The following DNAH5 variants were observed in gnomAD, a reference collection of about 807,000 sequenced individuals.
The protein encoded by DNAH5 is axonemal beta dynein heavy chain 5.
Under a neutral mutation model 518.2 loss-of-function variants are expected in DNAH5, and 372 were observed. That is an observed-to-expected ratio of 0.72 (90% CI 0.66 to 0.78). The LOEUF is 0.78. DNAH5 is among the 30% of genes least tolerant of loss of function. The pLI, the probability that DNAH5 is intolerant of heterozygous loss-of-function variation, is 0.00. For missense variants in DNAH5, 5,523 were observed against 5,687.0 expected (o/e 0.97, Z 0.93); for synonymous variants, 2,039 against 2,025.9 (o/e 1.01, Z -0.17).
intron 29 of DNAH5, among the ~76,000 whole-genome samples, chr5:13,861,061 T>C (rs556144313): frequency 4.6e-5 from 7 of 152,292 alleles, no homozygotes; most frequent in African/African-American, 1.2e-4. Flanking sequence ...ACACACATAG[T>C]AAAGGTTCAA....
At position 13,817,636 on chromosome 5, in the gene DNAH5, C is replaced by G. The variant is rs745471071; in HGVS notation, c.6900G>C (p.Gln2300His). The G allele has an allele frequency of 1.2e-6, 2 of 1,614,222 alleles. No homozygotes were observed. Among genetic ancestry groups the G allele is most frequent in the Admixed American group, 1.7e-5 (1 of 60,024 alleles). Reference sequence around the variant, plus strand: ...TGGCAACGTCCAGCCGACCAAACATCTGTGGGGCAGTAATCGCTTTGGGAT... The same window carrying G: ...TGGCAACGTCCAGCCGACCAAACATGTGTGGGGCAGTAATCGCTTTGGGAT... ...RMNPKAITAPQMFGRLDVATN... is the reference protein window; with the variant it reads ...RMNPKAITAPHMFGRLDVATN... Residue 2300 changes from glutamine (Q) to histidine (H), a missense_variant, in exon 42 of 79, where the codon CAG becomes CAC. Physicochemically the swap from Gln to His is conservative, Grantham distance 24 (BLOSUM62 0). Around this residue, in one of 3 missense-constraint regions of DNAH5, gnomAD observed 5,121 missense variants for 5,223.3 expected, o/e 0.98. Transcript: ENST00000265104.
rs1173706090 is a variant in DNAH5, at chr5:13,762,757, A to C, written c.10246T>G (p.Phe3416Val). The C allele has an allele frequency of 1.2e-6, 2 of 1,614,056 alleles. No homozygotes were observed. Among genetic ancestry groups the C allele is most frequent in the Admixed American group, 1.7e-5 (1 of 60,004 alleles). The change falls in exon 60 of 79, where the codon TTC becomes GTC. Residue 3416 changes from phenylalanine (F) to valine (V), a missense_variant. Phe to Val is a conservative substitution (Grantham distance 50, BLOSUM62 -1). This residue lies in a region of DNAH5 where 5,121 missense variants were observed against 5,223.3 expected (regional missense o/e 0.98). Transcript: ENST00000265104. Reference sequence around the variant, plus strand: ...AGTACTTCTTTGTTTATAGAAAAGAAGGAAGCCATAGCTTTCGTCCAGGAA... The same window carrying C: ...AGTACTTCTTTGTTTATAGAAAAGACGGAAGCCATAGCTTTCGTCCAGGAA... ...LCSWTKAMAS[F>V]FSINKEVLPL... is the part of the protein sequence containing the mutation.
chr5:13,889,803 C>G (rs1245475937), intron 17 of DNAH5, among the ~76,000 whole-genome samples: 1 of 152,100 alleles, frequency 6.6e-6, no homozygotes, highest in African/African-American at 2.4e-5. Flanking sequence ...CAGGGACTCC[C>G]CAGACACCAC....
intron 53 of DNAH5, among the ~76,000 whole-genome samples, chr5:13,777,859 C>T (rs573374930): frequency 8.5e-5 from 13 of 152,242 alleles, no homozygotes; most frequent in African/African-American, 2.6e-4. Context: ...CATAAATAAA[C>T]TTGTTTTCTG....
At chr5:13,842,443 G>GA (rs1446322652) in intron 32 of DNAH5, among the ~76,000 whole-genome samples, 1 of 93,006 alleles carries the variant, frequency 1.1e-5, no homozygotes, top group Non-Finnish European at 2.2e-5. Flanking sequence ...AAGAAAGAAA[G>GA]AAAGAAAGAA....
At chr5:13,862,774 A>G in intron 28 of DNAH5, 27 bp from the exon 29 acceptor site, 2 of 1,595,694 alleles carry the variant, frequency 1.3e-6, no homozygotes, top group Non-Finnish European at 1.7e-6. Context: ...CTCTCATGTT[A>G]TTGCATGAAA....
chr5:13,969,720 G>C (rs1781751415), intron 1 of DNAH5, among the ~76,000 whole-genome samples: 1 of 152,056 alleles, frequency 6.6e-6, no homozygotes, highest in Admixed American at 6.5e-5. Context: ...TTGTTTTGTG[G>C]CCTGTCACAT....
chr5:13,859,474 T>C lies in DNAH5; in HGVS notation c.4928A>G (p.Asp1643Gly), dbSNP rs1371333839. 6.2e-7 allele frequency: 1 copy of C among 1,614,034 alleles called. No homozygotes were observed. ...AACCTTGGGCAGCTGCTTGGCAATG[T>C]CTCCTCCCACAAAGACAGCTTCTAA... ...IYLEAVFVGG[D>G]IAKQLPKEAK... The change falls in exon 30 of 79, where the codon GAC becomes GGC. Residue 1643 changes from aspartate to glycine, a missense_variant. Coordinates refer to ENST00000265104, the MANE Select transcript of DNAH5 (RefSeq NM_001369.3).
intron 78 of DNAH5, among the ~76,000 whole-genome samples, chr5:13,699,894 T>G (rs940060564): frequency 6.6e-6 from 1 of 152,188 alleles, no homozygotes; most frequent in Non-Finnish European, 1.5e-5. Flanking sequence ...AATGTGGTTA[T>G]TGCTGTAGAG....
At chr5:13,836,861 G>C (rs922474379) in intron 35 of DNAH5, among the ~76,000 whole-genome samples, 1 of 152,208 alleles carries the variant, frequency 6.6e-6, no homozygotes, top group Non-Finnish European at 1.5e-5. Flanking sequence ...GAGTGGGTCA[G>C]AGACACAAGA....
At chr5:13,827,915 A>G (rs1180720326) in intron 38 of DNAH5, among the ~76,000 whole-genome samples, 1 of 152,114 alleles carries the variant, frequency 6.6e-6, no homozygotes, top group Non-Finnish European at 1.5e-5. Flanking sequence ...TCCTGCCACC[A>G]TGTGAAAAGG....
intron 7 of DNAH5, among the ~76,000 whole-genome samples, chr5:13,917,762 C>T (rs1776800048): frequency 6.6e-6 from 1 of 152,188 alleles, no homozygotes; most frequent in Non-Finnish European, 1.5e-5. Context: ...AATTATTTAG[C>T]ACGTCAGTAC....
chr5:13,709,840 C>G (rs558252550), intron 75 of DNAH5, among the ~76,000 whole-genome samples: 2 of 152,200 alleles, frequency 1.3e-5, no homozygotes, highest in African/African-American at 2.4e-5. Flanking sequence ...ATCAGACACA[C>G]CTAGCCTTGC....
rs578061143 is a variant in DNAH5 at position 13,794,374 on chromosome 5, T to C, written c.7888-316A>G. On this transcript the variant is annotated intron_variant, in intron 47 of 78. Coordinates refer to ENST00000265104, the MANE Select transcript of DNAH5 (RefSeq NM_001369.3). ...TCTGTTGGTGACACTATGTTCCCCA[T>C]TATTCAAAGTCTTGCTAATAGTTTC... Among the ~76,000 whole-genome samples the C allele has an allele frequency of 3.3e-5, 5 of 152,346 alleles. No individual in the cohort carries two copies. The South Asian group carries it at 8.3e-4, about 25-fold the overall frequency.
chr5:13,737,994 CA>C (rs755671000), intron 65 of DNAH5, among the ~76,000 whole-genome samples: 4 of 151,262 alleles, frequency 2.6e-5, no homozygotes, highest in Non-Finnish European at 5.9e-5. Context: ...GCCAGGGAGG[CA>C]GAGGTTGCAG....
Position 13,712,509 on chromosome 5 carries a change from G to C in DNAH5, c.13125+1896C>G, listed in dbSNP as rs143070456. Among the ~76,000 whole-genome samples, 880 of 152,210 alleles carry C rather than the reference G, an allele frequency of 5.8e-3. 6 individuals are homozygous for C. The highest frequency in any genetic ancestry group is 0.02 in the African/African-American group (836 of 41,546). ...CTAAAGAGCCTTTGCATGGCAAAAG[G>C]AACAGTCAGCAGAGTGAACAAACAA... On this transcript the variant is annotated intron_variant, in intron 75 of 78. Transcript: ENST00000265104.
chr5:13,925,431 A>C (rs1221539424), intron 3 of DNAH5, among the ~76,000 whole-genome samples: 1 of 152,182 alleles, frequency 6.6e-6, no homozygotes, highest in Non-Finnish European at 1.5e-5. Context: ...GTCCATTTTC[A>C]TGCTGCTGAT....
At chr5:13,946,938 T>C (rs2152031942), upstream of DNAH5, among the ~76,000 whole-genome samples, 1 of 152,342 alleles carries the variant, frequency 6.6e-6, no homozygotes, top group East Asian at 1.9e-4. Context: ...TTTAAAAATA[T>C]TAATTGTAGA....
exon 1 of DNAH5, among the ~76,000 whole-genome samples, chr5:14,011,773 G>T (rs967265541): frequency 6.6e-6 from 1 of 152,174 alleles, no homozygotes; most frequent in Admixed American, 6.5e-5. Flanking sequence ...CGCTCAGGCC[G>T]CCCGGCTAGC....
Sources: allele counts gnomAD v4.1 joint callset (sites outside exome capture counted in the v4.1 genomes callset), GRCh38; gene constraint gnomAD v4.1.1; regional missense constraint gnomAD v4.1.1; transcripts MANE v1.5; gene names NCBI Gene and HGNC (gene_info 2026-07-23, HGNC 2026-07-21).